FAM135B: variants seen among roughly 807,000 people sequenced by gnomAD.
FAM135B encodes the protein protein FAM135B.
FAM135B carries 43 observed loss-of-function variants against 127.7 expected under a neutral mutation model. That is an observed-to-expected ratio of 0.34 (90% CI 0.26 to 0.43). The LOEUF is 0.43. Among genes scored for constraint, FAM135B ranks in the 20% least tolerant of loss-of-function variants. The pLI, the probability that FAM135B is intolerant of heterozygous loss-of-function variation, is 1.00. For synonymous variants in FAM135B, 670 were observed against 665.1 expected, an observed-to-expected ratio of 1.01 and a Z score of -0.11; for missense variants, 1,558 against 1,725.6, an observed-to-expected ratio of 0.90 and a Z score of 1.72.
chr8:138,321,931 A>T (rs189599223), intron 2 of FAM135B, among the ~76,000 whole-genome samples: 1 of 152,276 alleles, frequency 6.6e-6, no homozygotes, highest in African/African-American at 2.4e-5. Flanking sequence ...AGAGAGCTGC[A>T]CATGCTGTGA....
intron 3 of FAM135B, among the ~76,000 whole-genome samples, chr8:138,268,264 G>C (rs2130654067): frequency 6.6e-6 from 1 of 152,274 alleles, no homozygotes; most frequent in African/African-American, 2.4e-5. Context: ...TTTTAATTGT[G>C]TTTGCAGAGA....
chr8:138,300,202 T>A (rs1437975283), intron 3 of FAM135B, among the ~76,000 whole-genome samples: 1 of 151,904 alleles, frequency 6.6e-6, no homozygotes, highest in Non-Finnish European at 1.5e-5. Flanking sequence ...CTCCCCTTTC[T>A]CATTTCACAT....
chr8:138,232,597 C>T (rs1819983781), intron 7 of FAM135B, among the ~76,000 whole-genome samples: 1 of 152,058 alleles, frequency 6.6e-6, no homozygotes, highest in Non-Finnish European at 1.5e-5. Context: ...TTAAATCAAG[C>T]AATCATTTAA....
At chr8:138,289,087 G>A (rs1489399769) in intron 3 of FAM135B, among the ~76,000 whole-genome samples, 7 of 152,274 alleles carry the variant, frequency 4.6e-5, no homozygotes, top group South Asian at 2.1e-4. Context: ...CTGTTAGCCC[G>A]GTTTTCCTCT....
At chr8:138,203,181 T>C (rs1373097225) in intron 7 of FAM135B, among the ~76,000 whole-genome samples, 1 of 152,202 alleles carries the variant, frequency 6.6e-6, no homozygotes, top group East Asian at 1.9e-4. Flanking sequence ...TATGCAAATG[T>C]CTCTCAAATC....
intron 1 of FAM135B, among the ~76,000 whole-genome samples, chr8:138,408,451 G>C (rs930185589): frequency 6.6e-6 from 1 of 152,072 alleles, no homozygotes; most frequent in African/African-American, 2.4e-5. Context: ...TTTTTCTGCA[G>C]CTTTCTCACC....
intron 5 of FAM135B, among the ~76,000 whole-genome samples, chr8:138,251,293 A>G (rs1423057734): frequency 1.3e-5 from 2 of 152,164 alleles, no homozygotes; most frequent in African/African-American, 4.8e-5. Context: ...TCAGTGATGG[A>G]TAAGAAGCCC....
intron 7 of FAM135B, among the ~76,000 whole-genome samples, chr8:138,202,630 C>T (rs1216205614): frequency 1.3e-5 from 2 of 152,118 alleles, no homozygotes; most frequent in East Asian, 1.9e-4. Context: ...AGGTGCATCA[C>T]CTGAAAAGAG....
chr8:138,429,037 G>A (rs879440811), intron 1 of FAM135B, among the ~76,000 whole-genome samples: 28 of 152,186 alleles, frequency 1.8e-4, no homozygotes, highest in Non-Finnish European at 4.0e-4. Context: ...GAGAAGGGGA[G>A]TGCTCACATG....
intron 7 of FAM135B, 80 bp from the exon 8 acceptor site, chr8:138,197,749 C>A (rs2131143076): frequency 6.8e-7 from 1 of 1,463,012 alleles, no homozygotes; most frequent in Non-Finnish European, 9.4e-7. Context: ...CTCCATCCAC[C>A]CGCACCAACA....
At chr8:138,139,489 T>C (rs1014116885) in intron 17 of FAM135B, among the ~76,000 whole-genome samples, 9 of 152,224 alleles carry the variant, frequency 5.9e-5, no homozygotes, top group African/African-American at 2.2e-4. Context: ...AACTCATCTG[T>C]TGGCTGGGCA....
At chr8:138,213,890 T>C (rs915855333) in intron 7 of FAM135B, among the ~76,000 whole-genome samples, 2 of 152,132 alleles carry the variant, frequency 1.3e-5, no homozygotes, top group African/African-American at 4.8e-5. Context: ...CCCTGAAGAC[T>C]TGTGGCTGGA....
intron 15 of FAM135B, among the ~76,000 whole-genome samples, chr8:138,143,682 T>C (rs889769941): frequency 1.3e-5 from 2 of 152,192 alleles, no homozygotes; most frequent in Admixed American, 6.5e-5. Context: ...AAGGAAGATA[T>C]ATTAGATTGG....
intron 1 of FAM135B, among the ~76,000 whole-genome samples, chr8:138,454,404 T>C (rs1836661397): frequency 6.6e-6 from 1 of 152,100 alleles, no homozygotes; most frequent in South Asian, 2.1e-4. Flanking sequence ...GATATTATAG[T>C]CTTAGTGCGG....
chr8:138,365,795 T>C (rs1219613107), intron 2 of FAM135B, among the ~76,000 whole-genome samples: 1 of 152,190 alleles, frequency 6.6e-6, no homozygotes, highest in Non-Finnish European at 1.5e-5. Context: ...TGTATGTAAC[T>C]GGCCAGTTGC....
chr8:138,431,296 CAGA>C (rs1335541347), intron 1 of FAM135B, among the ~76,000 whole-genome samples: 7 of 152,182 alleles, frequency 4.6e-5, no homozygotes, highest in African/African-American at 1.7e-4. Flanking sequence ...CAGTGACAGA[CAGA>C]CTGAACTACC....
At chr8:138,470,692 T>C (rs1837628927) in intron 1 of FAM135B, among the ~76,000 whole-genome samples, 1 of 152,196 alleles carries the variant, frequency 6.6e-6, no homozygotes, top group South Asian at 2.1e-4. Context: ...AACTGGGTAC[T>C]AGAGACAATG....
intron 1 of FAM135B, among the ~76,000 whole-genome samples, chr8:138,490,766 T>A (rs1815161111): frequency 6.6e-6 from 1 of 152,164 alleles, no homozygotes. Flanking sequence ...TTATTCTAAG[T>A]AACTGAGAAT....
intron 2 of FAM135B, among the ~76,000 whole-genome samples, chr8:138,351,844 C>T (rs1829806592): frequency 6.6e-6 from 1 of 152,078 alleles, no homozygotes; most frequent in South Asian, 2.1e-4. Context: ...CATGTGCTAC[C>T]ATGCCCAGCT....
Sources: allele counts gnomAD v4.1 joint callset (sites outside exome capture counted in the v4.1 genomes callset), GRCh38; gene constraint gnomAD v4.1.1; transcripts MANE v1.5; gene names NCBI Gene and HGNC (gene_info 2026-07-23, HGNC 2026-07-21).